The following PPFIA2 variants were observed in gnomAD, a reference collection of about 807,000 sequenced individuals.
PPFIA2 encodes the protein liprin-alpha-2.
A neutral mutation model predicts 175.5 loss-of-function variants in PPFIA2; 46 were observed. The ratio of observed to expected loss-of-function variants is 0.26; its 90% CI spans 0.21 to 0.34. The LOEUF (loss-of-function observed/expected upper bound fraction) is 0.34, where lower values mean the gene tolerates loss of function less well. Among genes scored for constraint, PPFIA2 ranks in the 10% least tolerant of loss-of-function variants. The pLI is 1.00. For synonymous variants in PPFIA2, 568 were observed against 511.4 expected (o/e 1.11, Z -1.49); for missense variants, 1,179 against 1,506.1 (o/e 0.78, Z 3.60).
intron 3 of PPFIA2, among the ~76,000 whole-genome samples, chr12:81,694,793 C>T (rs2075700066): frequency 6.6e-6 from 1 of 152,174 alleles, no homozygotes; most frequent in African/African-American, 2.4e-5. Context: ...AGGCATTCAA[C>T]AACCTGTGAG....
intron 7 of PPFIA2, among the ~76,000 whole-genome samples, chr12:81,434,198 G>A (rs1334084691): frequency 6.6e-6 from 1 of 151,688 alleles, no homozygotes; most frequent in African/African-American, 2.4e-5. Flanking sequence ...AATTTTCGAT[G>A]GTATGTTACA....
rs2060356280 is a variant in PPFIA2 at position 81,353,438 on chromosome 12, C to T, written c.1774-99G>A. ...AACAACAACAGGCATGCTTTTACAA[C>T]TGACCTTGCAAAAACTGAACCAATT... is the stretch of plus-strand genomic sequence containing the variant. On this transcript the variant is annotated intron_variant, in intron 16 of 32. Coordinates refer to ENST00000549396, the MANE Select transcript of PPFIA2 (RefSeq NM_003625.5). 6.2e-6 allele frequency: 5 copies of T among 810,218 alleles called. No homozygotes were observed. In the East Asian group the frequency reaches 7.8e-5, roughly 13 times the overall value. The allele number at this position is 810,218 out of a possible 1,614,324, so 50.2% of individuals were successfully genotyped here. A position where few individuals can be genotyped will look rare whatever the true frequency, so the allele number is the denominator to read the frequency against.
chr12:81,676,859 G>C lies in PPFIA2; in HGVS notation c.250-15C>G. ...GATTCGATATCCTGAAAAGGGGAGA[G>C]GTGTTGATTGTAAAGTGCTACTCAA... On this transcript the variant is annotated splice_polypyrimidine_tract_variant and intron_variant, in intron 3 of 32. Coordinates refer to ENST00000549396, the MANE Select transcript of PPFIA2 (RefSeq NM_003625.5). 2 of 1,570,996 alleles carry C rather than the reference G, an allele frequency of 1.3e-6. No homozygotes were observed. The highest frequency in any genetic ancestry group is 1.7e-6 in the Non-Finnish European group (2 of 1,158,912).
intron 15 of PPFIA2, among the ~76,000 whole-genome samples, chr12:81,361,114 A>G (rs1458735082): frequency 1.3e-5 from 2 of 151,654 alleles, no homozygotes; most frequent in African/African-American, 4.8e-5. Flanking sequence ...ATCATCCTTC[A>G]TTGTAGATAA....
chr12:81,302,544 C>A (rs2048110280), intron 22 of PPFIA2: 1 of 255,820 alleles, frequency 3.9e-6, no homozygotes, highest in South Asian at 3.8e-5. Context: ...GAGCTCAAAT[C>A]CTTTGGTTTC....
At chr12:81,648,723 T>C (rs11612888) in intron 4 of PPFIA2, among the ~76,000 whole-genome samples, 17,256 of 151,912 alleles carry the variant, frequency 0.11, 1,199 homozygotes, top group Middle Eastern at 0.17. Context: ...AGAACAAAAT[T>C]GTAGCTCTTT....
chr12:81,380,425 A>G (rs1485317692), intron 9 of PPFIA2, among the ~76,000 whole-genome samples: 1 of 152,146 alleles, frequency 6.6e-6, no homozygotes, highest in East Asian at 1.9e-4. Flanking sequence ...CTTGCAATCC[A>G]GTTGACTCTA....
At chr12:81,533,556 C>A (rs958994890) in intron 4 of PPFIA2, among the ~76,000 whole-genome samples, 1 of 151,402 alleles carries the variant, frequency 6.6e-6, no homozygotes, top group African/African-American at 2.4e-5. Flanking sequence ...TTTTGGGGGG[C>A]AGAAACTGAA....
At chr12:81,709,439 C>T (rs1489513189) in intron 3 of PPFIA2, among the ~76,000 whole-genome samples, 1 of 151,946 alleles carries the variant, frequency 6.6e-6, no homozygotes, top group Non-Finnish European at 1.5e-5. Context: ...AGAGCATAAA[C>T]CATTATTTAG....
chr12:81,600,085 G>C (rs903138140), intron 4 of PPFIA2, among the ~76,000 whole-genome samples: 1 of 151,918 alleles, frequency 6.6e-6, no homozygotes, highest in Non-Finnish European at 1.5e-5. Context: ...CTATTATTTG[G>C]AAAGTAGTAC....
chr12:81,551,450 A>G (rs2153369450), intron 4 of PPFIA2, among the ~76,000 whole-genome samples: 1 of 152,184 alleles, frequency 6.6e-6, no homozygotes, highest in East Asian at 1.9e-4. Context: ...AAATAACAAT[A>G]AAACAATTTA....
intron 22 of PPFIA2, among the ~76,000 whole-genome samples, chr12:81,321,512 T>C (rs1364820801): frequency 6.6e-6 from 1 of 152,178 alleles, no homozygotes; most frequent in African/African-American, 2.4e-5. Flanking sequence ...ACCATAAATG[T>C]TATTTTTAAT....
In PPFIA2 at chr12:81,281,436, T is replaced by C. The variant is rs752234306; in HGVS notation, c.3033A>G (p.Leu1011=). The C allele has an allele frequency of 3.1e-6, 5 of 1,602,136 alleles. No homozygotes were observed. Among genetic ancestry groups the C allele is most frequent in the Non-Finnish European group, 4.3e-6 (5 of 1,173,170 alleles). ...TCATATCTCCATAAGCCAGGGTCTG[T>C]AGAAAAACCGGACACTAGAATTGTT... The part of the protein sequence containing the change: ...EGSWAQCPVF[L]QTLAYGDMNH... The change falls in exon 27 of 33, where the codon CTA becomes CTG. Residue 1011 remains leucine (L), a synonymous_variant. Coordinates refer to ENST00000549396, the MANE Select transcript of PPFIA2 (RefSeq NM_003625.5).
At chr12:81,525,180 T>C (rs1325002908) in intron 4 of PPFIA2, among the ~76,000 whole-genome samples, 1 of 152,212 alleles carries the variant, frequency 6.6e-6, no homozygotes, top group Admixed American at 6.5e-5. Flanking sequence ...ATTTGGCTCC[T>C]GTGATGGATA....
chr12:81,300,025 C>T (rs2047424243), intron 22 of PPFIA2, among the ~76,000 whole-genome samples: 1 of 152,136 alleles, frequency 6.6e-6, no homozygotes, highest in Non-Finnish European at 1.5e-5. Flanking sequence ...TATCTATAAT[C>T]ACTACTGTTT....
At chr12:81,449,631 G>T (rs1451821456) in intron 5 of PPFIA2, among the ~76,000 whole-genome samples, 1 of 151,850 alleles carries the variant, frequency 6.6e-6, no homozygotes, top group African/African-American at 2.4e-5. Context: ...AATAAGCCAA[G>T]ACTTTTTTTT....
intron 4 of PPFIA2, among the ~76,000 whole-genome samples, chr12:81,618,430 A>C (rs867849825): frequency 6.6e-6 from 1 of 150,968 alleles, no homozygotes; most frequent in Middle Eastern, 3.4e-3. Flanking sequence ...TATTAAATTT[A>C]AAAGGTAGAG....
chr12:81,585,941 TATG>T (rs1169484478), intron 4 of PPFIA2, among the ~76,000 whole-genome samples: 1 of 151,904 alleles, frequency 6.6e-6, no homozygotes, highest in African/African-American at 2.4e-5. Flanking sequence ...GCTATGACGT[TATG>T]ATGTGTATGA....
chr12:81,544,893 T>C (rs2153352351), intron 4 of PPFIA2, among the ~76,000 whole-genome samples: 1 of 152,308 alleles, frequency 6.6e-6, no homozygotes, highest in Admixed American at 6.5e-5. Flanking sequence ...GCATAATTAA[T>C]AGTACAAAAT....
Sources: gnomAD v4.1 joint callset for allele counts (sites outside exome capture counted in the v4.1 genomes callset) on GRCh38, gnomAD v4.1.1 for gene constraint, MANE v1.5 for transcripts, NCBI Gene and HGNC (gene_info 2026-07-23, HGNC 2026-07-21) for gene names.